The following SPINK9 variants were observed in gnomAD, a reference collection of about 807,000 sequenced individuals.
The protein encoded by SPINK9 is serine protease inhibitor Kazal-type 9.
SPINK9 carries 3 observed loss-of-function variants against 10.8 expected under a neutral mutation model. The ratio of observed to expected loss-of-function variants is 0.28; its 90% confidence interval spans 0.13 to 0.72. The LOEUF (loss-of-function observed/expected upper bound fraction) is 0.72, where lower values mean the gene tolerates loss of function less well. Among genes scored for constraint, SPINK9 ranks in the 30% least tolerant of loss-of-function variants. The pLI, the probability that SPINK9 is intolerant of heterozygous loss-of-function variation, is 0.74. For missense variants in SPINK9, 101 were observed against 103.2 expected (o/e 0.98, Z 0.09); for synonymous variants, 30 against 31.2 (o/e 0.96, Z 0.12).
At chr5:148,333,915 G>C (rs1293044718), upstream of SPINK9, among the ~76,000 whole-genome samples, 1 of 152,040 alleles carries the variant, frequency 6.6e-6, no homozygotes, top group Non-Finnish European at 1.5e-5. Flanking sequence ...TAGTACCCGA[G>C]GCATAGTATG....
upstream of SPINK9, among the ~76,000 whole-genome samples, chr5:148,332,387 T>C (rs1032141891): frequency 2.6e-5 from 4 of 152,214 alleles, no homozygotes; most frequent in Non-Finnish European, 5.9e-5. Context: ...AATTAAGTTG[T>C]TTAATCTGAA....
intron 1 of SPINK9, 39 bp from the exon 2 acceptor site, chr5:148,336,383 C>T: frequency 1.2e-6 from 2 of 1,607,014 alleles, no homozygotes; most frequent in Admixed American, 1.7e-5. Flanking sequence ...TTAGGTTCTT[C>T]CAGAGTTTAA....
At chr5:148,323,753 G>A (rs1757024716) in exon 2 of SPINK9, 1 of 696,224 alleles carries the variant, frequency 1.4e-6, no homozygotes, top group Non-Finnish European at 2.6e-6. Flanking sequence ...GCATCTTTAT[G>A]GTCTTTATGA....
chr5:148,330,047 T>A (rs1757125772), intron 2 of SPINK9, among the ~76,000 whole-genome samples: 1 of 152,168 alleles, frequency 6.6e-6, no homozygotes, highest in Admixed American at 6.5e-5. Flanking sequence ...TGAGTTCAAT[T>A]CCTGGATATC....
At chr5:148,330,273 C>G (rs906633171) in intron 2 of SPINK9, among the ~76,000 whole-genome samples, 2 of 152,178 alleles carry the variant, frequency 1.3e-5, no homozygotes, top group Non-Finnish European at 2.9e-5. Flanking sequence ...CCTTCTTTGT[C>G]TCTTTTGATC....
chr5:148,334,417 T>C (rs6580546), upstream of SPINK9, among the ~76,000 whole-genome samples: 1 of 151,902 alleles, frequency 6.6e-6, no homozygotes, highest in South Asian at 2.1e-4. Flanking sequence ...ATCAAGAAGA[T>C]AAGAGTCTTT....
At chr5:148,329,103 G>C (rs1426092896) in intron 2 of SPINK9, among the ~76,000 whole-genome samples, 1 of 152,176 alleles carries the variant, frequency 6.6e-6, no homozygotes, top group Non-Finnish European at 1.5e-5. Context: ...TTGTACCTCT[G>C]GTAGAATCTG....
upstream of SPINK9, among the ~76,000 whole-genome samples, chr5:148,332,358 C>A (rs1757162390): frequency 3.3e-5 from 5 of 152,170 alleles, no homozygotes; most frequent in South Asian, 1.0e-3. Context: ...TACCCCATTC[C>A]CAACACACAC....
chr5:148,338,796 G>A (rs1330060503), intron 3 of SPINK9, among the ~76,000 whole-genome samples, 191 bp downstream of exon 3: 4 of 152,094 alleles, frequency 2.6e-5, no homozygotes, highest in Non-Finnish European at 5.9e-5. Context: ...GGAAGTAAGA[G>A]TGAATCAGAG....
chr5:148,337,870 A>C (rs1757237219), intron 2 of SPINK9, among the ~76,000 whole-genome samples: 1 of 152,140 alleles, frequency 6.6e-6, no homozygotes, highest in Non-Finnish European at 1.5e-5. Flanking sequence ...AAATATGAAA[A>C]ACTTTTCTTG....
intron 2 of SPINK9, among the ~76,000 whole-genome samples, chr5:148,325,619 C>G (rs769662364): frequency 2.6e-5 from 4 of 151,926 alleles, no homozygotes; most frequent in Non-Finnish European, 5.9e-5. Flanking sequence ...TATTATTGAA[C>G]TGTAATTTTT....
chr5:148,339,261 T>C (rs541825939), intron 3 of SPINK9, among the ~76,000 whole-genome samples: 9 of 152,178 alleles, frequency 5.9e-5, no homozygotes, highest in African/African-American at 2.2e-4. Context: ...TACTGGAATG[T>C]ATAAAAACAT....
In SPINK9 at chr5:148,339,674, G is replaced by A. The variant is rs1305992551; in HGVS notation, c.223G>A (p.Asp75Asn). The change falls in exon 4 of 4, where the codon GAC (aspartate) becomes AAC (asparagine). Residue 75 changes from aspartate to asparagine, a missense_variant. Transcript: ENST00000377906. ...GCTATATTCTCTCCACAGGAAAACT[G>A]ACGGCACACTTAAATTTGTACATTT... ...CFFCSKVKKT[D>N]GTLKFVHFGK... The A allele has an allele frequency of 3.1e-6, 5 of 1,612,648 alleles. No individual in the cohort carries two copies. Among genetic ancestry groups the A allele is most frequent in the Non-Finnish European group, 4.2e-6 (5 of 1,179,326 alleles).
intron 2 of SPINK9, chr5:148,323,989 G>C: frequency 2.0e-6 from 1 of 492,586 alleles, no homozygotes. Flanking sequence ...ATGAGATAAT[G>C]CATGCAAACA....
At chr5:148,336,313 T>G (rs1029491116) in intron 1 of SPINK9, 109 bp from the exon 2 acceptor site, 1 of 1,159,090 alleles carries the variant, frequency 8.6e-7, no homozygotes, top group Non-Finnish European at 1.3e-6. Context: ...AAGAGAGACT[T>G]ACATTTTTAT....
chr5:148,331,455 G>T (rs879847034), upstream of SPINK9, among the ~76,000 whole-genome samples: 41 of 152,210 alleles, frequency 2.7e-4, no homozygotes, highest in Admixed American at 4.6e-4. Context: ...TAGAATGGTT[G>T]TTTCCAGAAG....
chr5:148,325,767 G>T (rs113044198), intron 2 of SPINK9, among the ~76,000 whole-genome samples: 3 of 151,976 alleles, frequency 2.0e-5, no homozygotes, highest in African/African-American at 7.2e-5. Flanking sequence ...CTTTTGTCTT[G>T]TACTTTTAAT....
intron 2 of SPINK9, among the ~76,000 whole-genome samples, chr5:148,330,477 T>C (rs1757133781): frequency 6.6e-6 from 1 of 152,364 alleles, no homozygotes; most frequent in Non-Finnish European, 1.5e-5. Context: ...AGTCTGTGTC[T>C]TTTAATTGGA....
upstream of SPINK9, among the ~76,000 whole-genome samples, chr5:148,330,870 C>T (rs184124763): frequency 1.6e-4 from 24 of 152,228 alleles, no homozygotes; most frequent in Non-Finnish European, 2.4e-4. Flanking sequence ...TCTCCATGGG[C>T]GTAGGACCCT....
Sources: gnomAD v4.1 joint callset for allele counts (sites outside exome capture counted in the v4.1 genomes callset) on GRCh38, gnomAD v4.1.1 for gene constraint, MANE v1.5 for transcripts, NCBI Gene and HGNC (gene_info 2026-07-23, HGNC 2026-07-21) for gene names.